Variants in LARS2 observed in about 807,000 individuals in gnomAD.
LARS2 encodes leucine--tRNA ligase, mitochondrial.
In LARS2, 81 loss-of-function variants were observed where a neutral mutation model predicts 116.6. That is an observed-to-expected ratio of 0.69 (90% CI 0.58 to 0.84). LARS2 has a LOEUF of 0.84. Ranked by LOEUF, LARS2 falls within the 40% of genes least tolerant of loss-of-function variation. LARS2 has a pLI of 0.00. For synonymous variants in LARS2, 396 were observed against 407.2 expected, an observed-to-expected ratio of 0.97 and a Z score of 0.33; for missense variants, 968 against 1,114.5, an observed-to-expected ratio of 0.87 and a Z score of 1.87.
intron 15 of LARS2, 125 bp from the exon 16 acceptor site, chr3:45,513,010 G>C (rs1700311698): frequency 1.4e-6 from 1 of 705,988 alleles, no homozygotes; most frequent in Non-Finnish European, 2.6e-6. Context: ...AGTGGCCTTG[G>C]TCAGCCCGCC....
intron 14 of LARS2, among the ~76,000 whole-genome samples, chr3:45,496,762 C>T (rs1700019331): frequency 6.6e-6 from 1 of 152,248 alleles, no homozygotes; most frequent in Non-Finnish European, 1.5e-5. Flanking sequence ...CTGGCAGGAA[C>T]ACACCAGAGT....
intron 14 of LARS2, 41 bp from the exon 15 acceptor site, chr3:45,500,400 GC>G (rs767309795): frequency 5.3e-5 from 85 of 1,589,848 alleles, no homozygotes; most frequent in Non-Finnish European, 7.1e-5. Context: ...CACAATTGTG[GC>G]AAAGCAGGTT....
Position 45,394,584 on chromosome 3 carries a change from CG to C in LARS2, c.134del (p.Gly45GlufsTer23), listed in dbSNP as rs776107034. 2.5e-6 allele frequency: 4 copies of C among 1,613,778 alleles called. No individual in the cohort carries two copies. In the East Asian group the frequency reaches 8.9e-5, roughly 36 times the overall value. On this transcript the variant is annotated frameshift_variant, in exon 3 of 22. Transcript: ENST00000645846. LOFTEE classifies it high-confidence loss of function. Reference protein sequence around the residue: ...PGCTRSIYSATGKWTKEYTLQ... With the variant: ...PGCTRSIYSAXGKWTKEYTLQ... The stretch of plus-strand genomic sequence containing the variant: ...TGTACCAGAAGCATCTACAGTGCCA[CG>C]GGAAAGTGGACAAAAGAGTATACAT...
chr3:45,532,980 A>T (rs905711304), intron 20 of LARS2, among the ~76,000 whole-genome samples: 2 of 151,924 alleles, frequency 1.3e-5, no homozygotes, highest in Non-Finnish European at 2.9e-5. Context: ...TCAGGACAAG[A>T]TCTTAACTTG....
Position 45,485,807 on chromosome 3 carries a change from A to G in LARS2, c.1123+11A>G, listed in dbSNP as rs773989479. ...TGGATTCAAAAATAGGTAAGCAGCT[A>G]TTAAAATGTAACCACAACGGTATAT... On this transcript the variant is annotated intron_variant, in intron 11 of 21. Transcript: ENST00000645846. 174 of 1,532,330 alleles carry G rather than the reference A, an allele frequency of 1.1e-4. No homozygotes were observed. Among genetic ancestry groups the G allele is most frequent in the Non-Finnish European group, 1.5e-4 (169 of 1,109,850 alleles). The allele number at this position is 1,532,330 out of a possible 1,614,324, so 94.9% of individuals were successfully genotyped here.
In LARS2 at chr3:45,491,759, A is replaced by T. The variant is rs978110272; in HGVS notation, c.1482A>T (p.Pro494=). ...CTTTCACTGGCAAGGGAGGCCCCCC[A>T]CTGGCCATGGCTTCAGAGTGGGTGA... ...IASFTGKGGP[P]LAMASEWVNC... is the part of the protein sequence containing the mutation. The change falls in exon 13 of 22, where the codon CCA becomes CCT. Residue 494 remains proline, a synonymous_variant. Coordinates refer to ENST00000645846, the MANE Select transcript of LARS2 (RefSeq NM_015340.4). The T allele has an allele frequency of 1.2e-6, 2 of 1,613,904 alleles. No individual in the cohort carries two copies. The highest frequency in any genetic ancestry group is 1.1e-5 in the South Asian group (1 of 91,038).
At chr3:45,438,059 T>TG (rs367966041) in intron 6 of LARS2, among the ~76,000 whole-genome samples, 12 of 152,302 alleles carry the variant, frequency 7.9e-5, no homozygotes, top group African/African-American at 2.9e-4. Context: ...AGCCCACATT[T>TG]GGTAATAACT....
intron 19 of LARS2, among the ~76,000 whole-genome samples, chr3:45,521,872 C>T (rs1700460570): frequency 6.6e-6 from 1 of 151,512 alleles, no homozygotes; most frequent in Non-Finnish European, 1.5e-5. Flanking sequence ...CTTTGGGAGG[C>T]CGAGGCAGCA....
At chr3:45,501,769 A>G (rs890095890) in intron 15 of LARS2, among the ~76,000 whole-genome samples, 3 of 152,204 alleles carry the variant, frequency 2.0e-5, no homozygotes, top group Non-Finnish European at 4.4e-5. Context: ...TTCCATAGTG[A>G]TTACCTAAGC....
At chr3:45,414,919 G>A (rs1437808175) in intron 4 of LARS2, among the ~76,000 whole-genome samples, 1 of 152,186 alleles carries the variant, frequency 6.6e-6, no homozygotes, top group African/African-American at 2.4e-5. Context: ...GCTGGATTCA[G>A]TTTCAGAGAA....
chr3:45,541,682 T>A, intron 20 of LARS2, 147 bp from the exon 21 acceptor site: 1 of 959,228 alleles, frequency 1.0e-6, no homozygotes, highest in Non-Finnish European at 1.5e-6. Flanking sequence ...GCCAAAGTGG[T>A]GAGCACCCAG....
At chr3:45,534,729 A>G (rs1013964046) in intron 20 of LARS2, among the ~76,000 whole-genome samples, 1 of 152,210 alleles carries the variant, frequency 6.6e-6, no homozygotes, top group Non-Finnish European at 1.5e-5. Context: ...AAAAGCAAAC[A>G]TTTTAGAGAC....
intron 7 of LARS2, 26 bp downstream of exon 7, chr3:45,447,006 A>G (rs1461392739): frequency 1.5e-6 from 2 of 1,316,568 alleles, no homozygotes; most frequent in South Asian, 1.2e-5. Context: ...CTGGACTTTT[A>G]AAATTCAGTG....
At chr3:45,447,506 C>T (rs978200513) in intron 7 of LARS2, among the ~76,000 whole-genome samples, 4 of 150,644 alleles carry the variant, frequency 2.7e-5, no homozygotes, top group African/African-American at 9.7e-5. Context: ...GGAATGAGCT[C>T]CCAATAAAAG....
chr3:45,520,665 C>T (rs1219905522), intron 19 of LARS2, among the ~76,000 whole-genome samples: 1 of 152,142 alleles, frequency 6.6e-6, no homozygotes, highest in African/African-American at 2.4e-5. Flanking sequence ...GATACCTCCT[C>T]GGCATCATTA....
intron 6 of LARS2, among the ~76,000 whole-genome samples, chr3:45,425,297 G>GAGGGGGACT (rs1698575452): frequency 6.6e-6 from 1 of 152,150 alleles, no homozygotes; most frequent in Non-Finnish European, 1.5e-5. Flanking sequence ...TTTCCTGATT[G>GAGGGGGACT]AGGGGGACTA....
Position 45,430,003 on chromosome 3 carries a change from C to CTTTTTTTT in LARS2, c.516+10293_516+10300dup, listed in dbSNP as rs66989698. ...AGGCATGAGCCACCATGCCCAGCCT[C>CTTTTTTTT]TTTTTTTTTTTTTTTTTTTTTTTTT... On this transcript the variant is annotated intron_variant, in intron 6 of 21. Coordinates refer to ENST00000645846, the MANE Select transcript of LARS2 (RefSeq NM_015340.4). 1.4e-3 allele frequency among the ~76,000 whole-genome samples: 80 copies of CTTTTTTTT among 56,952 alleles called. 19 individuals carry two copies. Among genetic ancestry groups the CTTTTTTTT allele is most frequent in the African/African-American group, 2.8e-3 (36 of 13,090 alleles). The allele number at this position is 56,952 out of a possible 152,430, so 37.4% of individuals were successfully genotyped here. A position where few individuals can be genotyped will look rare whatever the true frequency, so the allele number is the denominator to read the frequency against.
chr3:45,432,571 T>C (rs1698737120), intron 6 of LARS2, among the ~76,000 whole-genome samples: 1 of 151,620 alleles, frequency 6.6e-6, no homozygotes, highest in Non-Finnish European at 1.5e-5. Flanking sequence ...ACAAGGGAAA[T>C]TAAAAAATAC....
intron 6 of LARS2, among the ~76,000 whole-genome samples, chr3:45,441,963 C>T (rs1358333115): frequency 6.6e-6 from 1 of 151,980 alleles, no homozygotes; most frequent in African/African-American, 2.4e-5. Flanking sequence ...AGTTGGAATC[C>T]CAGATTCGTA....
Sources: allele counts gnomAD v4.1 joint callset (sites outside exome capture counted in the v4.1 genomes callset), GRCh38; gene constraint gnomAD v4.1.1; transcripts MANE v1.5; gene names NCBI Gene and HGNC (gene_info 2026-07-23, HGNC 2026-07-21).